The following CNIH4 variants were observed in gnomAD, a reference collection of about 807,000 sequenced individuals.
CNIH4 encodes the protein cornichon family member 4, also known as protein cornichon homolog 4.
CNIH4 carries 9 observed loss-of-function variants against 21.5 expected under a neutral mutation model. The ratio of observed to expected loss-of-function variants is 0.42; its 90% CI spans 0.25 to 0.73. The LOEUF is 0.73. Ranked by LOEUF, CNIH4 falls within the 30% of genes least tolerant of loss-of-function variation. The pLI is 0.27. For synonymous variants in CNIH4, 67 were observed against 59.1 expected, an observed-to-expected ratio of 1.13 and a Z score of -0.61; for missense variants, 159 against 170.0, an observed-to-expected ratio of 0.94 and a Z score of 0.36.
rs1182445862 is a variant in CNIH4 at position 224,376,465 on chromosome 1, AT to A, written c.*646del. ...AGGAAATATTTTGTCAAGAGCTTTC[AT>A]TTAAAAGCTACTACCTCCACAATCA... is the stretch of plus-strand genomic sequence containing the variant. On this transcript the variant is annotated 3_prime_UTR_variant, in exon 5 of 5. Transcript: ENST00000465271. 2.0e-6 allele frequency: 2 copies of A among 985,300 alleles called. No homozygotes were observed. The highest frequency in any genetic ancestry group is 3.5e-5 in the African/African-American group (2 of 57,230). The allele number at this position is 985,300 out of a possible 1,614,324, so 61.0% of individuals were successfully genotyped here.
intron 4 of CNIH4, 128 bp downstream of exon 4, chr1:224,371,551 G>A: frequency 1.1e-6 from 1 of 900,722 alleles, no homozygotes; most frequent in Non-Finnish European, 1.7e-6. Flanking sequence ...CCTTGTGGCT[G>A]TGTAGATTAT....
At chr1:224,357,859 T>A (rs1475387828) in intron 1 of CNIH4, among the ~76,000 whole-genome samples, 3 of 152,202 alleles carry the variant, frequency 2.0e-5, no homozygotes, top group African/African-American at 7.2e-5. Flanking sequence ...ACTCTTCCCA[T>A]CTCTTGACAA....
intron 3 of CNIH4, among the ~76,000 whole-genome samples, chr1:224,366,324 G>A (rs1223014582): frequency 2.0e-5 from 3 of 150,932 alleles, no homozygotes; most frequent in Non-Finnish European, 4.4e-5. Context: ...TTATTTATAG[G>A]TGTGAGCCAA....
At position 224,377,987 on chromosome 1, in the gene CNIH4, A is replaced by C. The variant is rs1170473697; in HGVS notation, c.*2165A>C. On this transcript the variant is annotated 3_prime_UTR_variant, in exon 5 of 5. Transcript: ENST00000465271. ...TGAAACATTAGCTGTGGTTAAAAAC[A>C]AAAACTCTTCCTTCTTGTATTGCTT... The C allele has an allele frequency of 1.3e-5, 2 of 152,216 alleles. No individual in the cohort carries two copies. The highest frequency in any genetic ancestry group is 3.8e-4 in the East Asian group (2 of 5,202). 9.4% of individuals were successfully genotyped at this position (152,216 alleles called of 1,614,324 possible).
rs1558392558 is a variant in CNIH4, at chr1:224,356,913, C to A, written c.-12C>A. 2 of 1,603,522 alleles carry A rather than the reference C, an allele frequency of 1.2e-6. No individual in the cohort carries two copies. The highest frequency in any genetic ancestry group is 1.7e-6 in the Non-Finnish European group (2 of 1,174,544). On this transcript the variant is annotated 5_prime_UTR_variant, in exon 1 of 5. Coordinates refer to ENST00000465271, the MANE Select transcript of CNIH4 (RefSeq NM_014184.4). Reference sequence around the variant, plus strand: ...GGTTTGACGGAAGGAGCGGCGGCGACGGAGGAGGAGGATGGAGGCGGTGGT... The same window carrying A: ...GGTTTGACGGAAGGAGCGGCGGCGAAGGAGGAGGAGGATGGAGGCGGTGGT...
rs1672847911 is a variant in CNIH4 at position 224,378,954 on chromosome 1, C to T, written c.*3132C>T. On this transcript the variant is annotated 3_prime_UTR_variant, in exon 5 of 5. Transcript: ENST00000465271. Reference sequence around the variant, plus strand: ...CTCTCTCCCTTACCACTCCTCTTCCCCTTCCCTCTATAATGGCAGTACCCA... The same window carrying T: ...CTCTCTCCCTTACCACTCCTCTTCCTCTTCCCTCTATAATGGCAGTACCCA... The T allele has an allele frequency of 1.0e-6, 1 of 986,630 alleles. No individual in the cohort carries two copies. The highest frequency in any genetic ancestry group is 1.6e-6 in the Non-Finnish European group (1 of 635,234). 61.1% of individuals were successfully genotyped at this position (986,630 alleles called of 1,614,324 possible).
chr1:224,363,127 C>T (rs1672348439), intron 2 of CNIH4, among the ~76,000 whole-genome samples: 1 of 152,086 alleles, frequency 6.6e-6, no homozygotes, highest in Non-Finnish European at 1.5e-5. Context: ...TCACTGACAC[C>T]TCCAACTCCT....
At chr1:224,357,049 C>T (rs947395131) in intron 1 of CNIH4, 56 bp downstream of exon 1, 32 of 1,569,080 alleles carry the variant, frequency 2.0e-5, no homozygotes, top group Non-Finnish European at 2.3e-5. Context: ...TGAGGGTGGG[C>T]CAGTTGGGCA....
intron 2 of CNIH4, among the ~76,000 whole-genome samples, chr1:224,361,114 A>ATG (rs1553345764): frequency 1.2e-3 from 156 of 128,930 alleles, no homozygotes; most frequent in African/African-American, 4.5e-3. Context: ...TGCCTGGCTA[A>ATG]TTTTTTTTTT....
At chr1:224,375,211 T>C (rs535212628) in intron 4 of CNIH4, among the ~76,000 whole-genome samples, 28 of 152,238 alleles carry the variant, frequency 1.8e-4, no homozygotes, top group Non-Finnish European at 3.4e-4. Context: ...GCTTGGGCCC[T>C]GCTTTCATCT....
At chr1:224,367,899 G>C (rs1269528736) in intron 3 of CNIH4, among the ~76,000 whole-genome samples, 19 of 152,180 alleles carry the variant, frequency 1.2e-4, no homozygotes, top group Non-Finnish European at 1.5e-4. Flanking sequence ...TCGAATCTTT[G>C]AGAATGAGGA....
intron 1 of CNIH4, among the ~76,000 whole-genome samples, chr1:224,359,817 G>C (rs67065875): frequency 0.29 from 43,913 of 151,930 alleles, 7,952 homozygotes; most frequent in African/African-American, 0.51. Flanking sequence ...CACCTTAGCA[G>C]TACTGCTACT....
Position 224,363,037 on chromosome 1 carries a change from CT to C in CNIH4, c.138+2481del, listed in dbSNP as rs1169314140. Among the ~76,000 whole-genome samples the C allele has an allele frequency of 2.0e-5, 3 of 151,578 alleles. No homozygotes were observed. The East Asian group carries it at 5.8e-4, about 29-fold the overall frequency. On this transcript the variant is annotated intron_variant, in intron 2 of 4. Coordinates refer to ENST00000465271, the MANE Select transcript of CNIH4 (RefSeq NM_014184.4). ...TCCCTTGCTTTTTCTTCTGAATTTT[CT>C]TTTTTTCTTTTTTCTTTCTTTTTGA...
At chr1:224,372,600 C>T (rs563399141) in intron 4 of CNIH4, among the ~76,000 whole-genome samples, 147 of 150,918 alleles carry the variant, frequency 9.7e-4, no homozygotes, top group African/African-American at 3.4e-3. Flanking sequence ...TTTTGTTTTT[C>T]GAGACAGAGT....
At chr1:224,358,528 T>C (rs748966112) in intron 1 of CNIH4, among the ~76,000 whole-genome samples, 16 of 152,218 alleles carry the variant, frequency 1.1e-4, no homozygotes, top group Non-Finnish European at 1.9e-4. Flanking sequence ...GCTTTGAATG[T>C]GGCCCAACAC....
At chr1:224,366,650 G>C (rs569124909) in intron 3 of CNIH4, among the ~76,000 whole-genome samples, 3 of 151,598 alleles carry the variant, frequency 2.0e-5, no homozygotes, top group African/African-American at 7.2e-5. Context: ...CGCCGGGCTG[G>C]AAGTACGTTT....
chr1:224,364,236 AAG>A (rs1273557511), intron 2 of CNIH4: 9 of 64,558 alleles, frequency 1.4e-4, no homozygotes, highest in Middle Eastern at 6.0e-3. Context: ...AAAATAAAAC[AAG>A]AGGAAAAAAA....
intron 1 of CNIH4, chr1:224,357,439 G>A (rs1046337739): frequency 2.5e-5 from 4 of 158,266 alleles, no homozygotes. Flanking sequence ...GCTTGCGACA[G>A]TCGGGTGCCG....
In CNIH4 at chr1:224,365,990, C is replaced by T. The variant is rs765043396; in HGVS notation, c.250C>T (p.Arg84Ter). 16 of 1,553,410 alleles carry T rather than the reference C, an allele frequency of 1.0e-5. No individual in the cohort carries two copies. Among genetic ancestry groups the T allele is most frequent in the South Asian group, 6.7e-5 (6 of 89,828 alleles). Residue 84 changes from arginine (R) to a stop codon, truncating the protein, a stop_gained and splice_region_variant, in exon 3 of 5, where the codon CGA (arginine) becomes TGA (stop). Coordinates refer to ENST00000465271, the MANE Select transcript of CNIH4 (RefSeq NM_014184.4). LOFTEE classifies it high-confidence loss of function. ...ACCTGTTGCCACTTGGAATATATAT[C>T]GGTGAGTATAGTTTGTTTACTTTGG... ...NLPVATWNIY[R>*]YIMVPSGNMG...
Sources: gnomAD v4.1 joint callset for allele counts (sites outside exome capture counted in the v4.1 genomes callset) on GRCh38, gnomAD v4.1.1 for gene constraint, MANE v1.5 for transcripts, NCBI Gene and HGNC (gene_info 2026-07-23, HGNC 2026-07-21) for gene names.